The following KIF6 variants were observed in gnomAD, a reference collection of about 807,000 sequenced individuals.
The protein encoded by KIF6 is kinesin-like protein KIF6.
In KIF6, 106 loss-of-function variants were observed where a neutral mutation model predicts 112.7. That is an observed-to-expected ratio of 0.94 (90% CI 0.80 to 1.11). The LOEUF (loss-of-function observed/expected upper bound fraction) is 1.11, where lower values mean the gene tolerates loss of function less well. Among genes scored for constraint, KIF6 ranks in the 50% least tolerant of loss-of-function variants. KIF6 has a pLI of 0.00. For missense variants in KIF6, 929 were observed against 964.0 expected, an observed-to-expected ratio of 0.96 and a Z score of 0.48; for synonymous variants, 339 against 339.9, an observed-to-expected ratio of 1.00 and a Z score of 0.03.
At chr6:39,623,143 T>C (rs1335255960) in intron 5 of KIF6, among the ~76,000 whole-genome samples, 1 of 152,234 alleles carries the variant, frequency 6.6e-6, no homozygotes. Flanking sequence ...GTTTAATCTG[T>C]TTGCTTTTCT....
chr6:39,526,530 AAAAC>A (rs1380533732), intron 13 of KIF6, among the ~76,000 whole-genome samples: 1 of 152,228 alleles, frequency 6.6e-6, no homozygotes, highest in African/African-American at 2.4e-5. Flanking sequence ...ACTACTAGAC[AAAAC>A]AAATACTCAC....
rs72858446 is a variant in KIF6, at chr6:39,331,024, C to T, written c.*5508G>A. On this transcript the variant is annotated 3_prime_UTR_variant, in exon 23 of 23. Transcript: ENST00000287152. ...TCCCCTTTTTGCCAAGCTCCACGTC[C>T]TTTGCCTCTTCCCATCACCCAATAC... 10,128 of 152,530 alleles carry T rather than the reference C, an allele frequency of 0.066. 378 individuals carry two copies. The highest frequency in any genetic ancestry group is 0.087 in the African/African-American group (3,621 of 41,498). The allele number at this position is 152,530 out of a possible 1,614,324, so 9.4% of individuals were successfully genotyped here.
chr6:39,520,422 C>T (rs1455470706), intron 13 of KIF6, among the ~76,000 whole-genome samples: 1 of 152,160 alleles, frequency 6.6e-6, no homozygotes, highest in Non-Finnish European at 1.5e-5. Flanking sequence ...GAACAGTGCC[C>T]AACACAACAC....
At chr6:39,559,553 A>G (rs1169224009) in intron 10 of KIF6, among the ~76,000 whole-genome samples, 1 of 152,232 alleles carries the variant, frequency 6.6e-6, no homozygotes, top group African/African-American at 2.4e-5. Flanking sequence ...CCACATTATC[A>G]GTAAAAATGA....
chr6:39,609,874 A>T (rs1390448737), intron 6 of KIF6, among the ~76,000 whole-genome samples: 1 of 152,168 alleles, frequency 6.6e-6, no homozygotes, highest in African/African-American at 2.4e-5. Flanking sequence ...CTCCACATGG[A>T]AGAGATTCTG....
At chr6:39,435,003 T>G (rs1280598526) in intron 13 of KIF6, among the ~76,000 whole-genome samples, 4 of 152,214 alleles carry the variant, frequency 2.6e-5, no homozygotes, top group African/African-American at 7.2e-5. Flanking sequence ...TTCTCTATGA[T>G]CTCCGCAAAT....
At chr6:39,337,235 C>CTTTCTTTCTTTCTT (rs1562103021) in intron 22 of KIF6, among the ~76,000 whole-genome samples, 1 of 76,348 alleles carries the variant, frequency 1.3e-5, no homozygotes, top group Non-Finnish European at 2.5e-5. Context: ...TTCTTTCTTT[C>CTTTCTTTCTTTCTT]TTTTTCTTTC....
intron 13 of KIF6, among the ~76,000 whole-genome samples, chr6:39,434,322 G>A (rs1367450441): frequency 2.0e-5 from 3 of 151,966 alleles, no homozygotes; most frequent in African/African-American, 7.3e-5. Flanking sequence ...CTAGCACTTT[G>A]GGAGGCTGAG....
At chr6:39,679,884 T>A (rs375940722) in intron 3 of KIF6, among the ~76,000 whole-genome samples, 73 of 152,118 alleles carry the variant, frequency 4.8e-4, no homozygotes, top group African/African-American at 1.5e-3. Flanking sequence ...CCCAAAGTGC[T>A]GGGATTACAG....
chr6:39,631,136 C>G (rs989176902), intron 5 of KIF6, among the ~76,000 whole-genome samples: 1 of 150,608 alleles, frequency 6.6e-6, no homozygotes, highest in Non-Finnish European at 1.5e-5. Flanking sequence ...GTTTTCCTTT[C>G]TTGTAATGCA....
At chr6:39,572,401 A>G (rs556399427) in intron 10 of KIF6, among the ~76,000 whole-genome samples, 2 of 152,212 alleles carry the variant, frequency 1.3e-5, no homozygotes, top group South Asian at 4.1e-4. Context: ...CTAACCCCCC[A>G]CCAAAGCACC....
intron 10 of KIF6, among the ~76,000 whole-genome samples, chr6:39,565,944 T>A (rs73414689): frequency 0.018 from 2,808 of 152,284 alleles, 76 homozygotes; most frequent in African/African-American, 0.061. Flanking sequence ...AAATAAAGTA[T>A]CCCTGCTGAA....
intron 3 of KIF6, among the ~76,000 whole-genome samples, chr6:39,681,492 A>C (rs1787509921): frequency 6.6e-6 from 1 of 152,192 alleles, no homozygotes; most frequent in South Asian, 2.1e-4. Context: ...AAACTCTAGA[A>C]TCTTTTCTTG....
intron 21 of KIF6, 102 bp downstream of exon 21, chr6:39,345,598 G>T: frequency 1.1e-6 from 1 of 887,020 alleles, no homozygotes; most frequent in Non-Finnish European, 1.7e-6. Flanking sequence ...CTGTCTGTGT[G>T]GCTACTGGAC....
intron 3 of KIF6, among the ~76,000 whole-genome samples, chr6:39,684,328 C>A (rs764483768): frequency 1.3e-5 from 2 of 151,970 alleles, no homozygotes; most frequent in Non-Finnish European, 2.9e-5. Context: ...ATGGAGAAAC[C>A]CCATCTCTAC....
intron 10 of KIF6, among the ~76,000 whole-genome samples, chr6:39,575,365 G>A (rs1430565108): frequency 6.6e-6 from 1 of 151,942 alleles, no homozygotes; most frequent in Non-Finnish European, 1.5e-5. Flanking sequence ...CTGCCTCCCG[G>A]GTTGACGCCA....
chr6:39,624,299 T>C (rs1210018092), intron 5 of KIF6, among the ~76,000 whole-genome samples: 3 of 152,214 alleles, frequency 2.0e-5, no homozygotes, highest in Non-Finnish European at 4.4e-5. Context: ...ATTGAGATTC[T>C]TGCAATATGG....
Position 39,557,068 on chromosome 6 carries a change from T to C in KIF6, c.1182-11380A>G, listed in dbSNP as rs151044735. Among the ~76,000 whole-genome samples the C allele has an allele frequency of 9.7e-3, 1,482 of 152,156 alleles. 26 individuals carry two copies. The highest frequency in any genetic ancestry group is 0.034 in the African/African-American group (1,400 of 41,536). On this transcript the variant is annotated intron_variant, in intron 10 of 22. Transcript: ENST00000287152. Reference sequence around the variant, plus strand: ...ACCTACATACATATGCACATATATATGTGCACATATATATGTATATGATTA... The same window carrying C: ...ACCTACATACATATGCACATATATACGTGCACATATATATGTATATGATTA...
chr6:39,520,326 C>A (rs62403274), intron 13 of KIF6, among the ~76,000 whole-genome samples: 9,520 of 152,232 alleles, frequency 0.063, 416 homozygotes, highest in Middle Eastern at 0.15. Flanking sequence ...AATTTTTTAT[C>A]TGAAATTCAG....
Sources: allele counts gnomAD v4.1 joint callset (sites outside exome capture counted in the v4.1 genomes callset), GRCh38; gene constraint gnomAD v4.1.1; transcripts MANE v1.5; gene names NCBI Gene and HGNC (gene_info 2026-07-23, HGNC 2026-07-21).